ZNRF2: variants seen among roughly 807,000 people sequenced by gnomAD.
The protein encoded by ZNRF2 is E3 ubiquitin-protein ligase ZNRF2.
ZNRF2 carries 16 observed loss-of-function variants against 20.4 expected under a neutral mutation model. The ratio of observed to expected loss-of-function variants is 0.79; its 90% CI spans 0.53 to 1.19. The LOEUF (loss-of-function observed/expected upper bound fraction) is 1.19. Among genes scored for constraint, ZNRF2 ranks in the 50% most tolerant of loss-of-function variants. The pLI, the probability that ZNRF2 is intolerant of heterozygous loss-of-function variation, is 0.00. For synonymous variants in ZNRF2, 178 were observed against 144.9 expected, an observed-to-expected ratio of 1.23 and a Z score of -1.64; for missense variants, 363 against 332.4, an observed-to-expected ratio of 1.09 and a Z score of -0.72.
At chr7:30,334,945 A>G (rs1206949933) in intron 2 of ZNRF2, among the ~76,000 whole-genome samples, 3 of 152,200 alleles carry the variant, frequency 2.0e-5, no homozygotes, top group African/African-American at 7.2e-5. Context: ...AGAAATAGAA[A>G]TGCTATAAAA....
At chr7:30,310,512 G>C (rs1799275701) in intron 1 of ZNRF2, among the ~76,000 whole-genome samples, 1 of 152,132 alleles carries the variant, frequency 6.6e-6, no homozygotes, top group South Asian at 2.1e-4. Flanking sequence ...ATACATAAAT[G>C]AATGTGTGTG....
intron 2 of ZNRF2, among the ~76,000 whole-genome samples, chr7:30,338,033 G>A (rs1415449535): frequency 6.6e-6 from 1 of 152,060 alleles, no homozygotes; most frequent in Non-Finnish European, 1.5e-5. Flanking sequence ...ATGTGCTAGC[G>A]GTTATTCCAG....
chr7:30,285,704 C>T lies in ZNRF2; in HGVS notation c.347C>T (p.Ser116Leu). The change falls in exon 1 of 5, where the codon TCG (serine) becomes TTG (leucine). Residue 116 changes from serine (S) to leucine (L), a missense_variant. By Grantham distance (145) the Ser-to-Leu change is moderately radical. Transcript: ENST00000323037. ...SSSGPYGSQD[S>L]VHSSPEDGGG... ...AGCGGCCCGTACGGCTCGCAGGACT[C>T]GGTGCACAGCAGCCCTGAGGACGGC... 2.0e-6 allele frequency: 3 copies of T among 1,471,132 alleles called. No homozygotes were observed. The highest frequency in any genetic ancestry group is 2.6e-5 in the Admixed American group (1 of 38,034). The allele number at this position is 1,471,132 out of a possible 1,614,324, so 91.1% of individuals were successfully genotyped here. A position where few individuals can be genotyped will look rare whatever the true frequency, so the allele number is the denominator to read the frequency against.
At chr7:30,330,469 G>C (rs1391640124) in intron 2 of ZNRF2, among the ~76,000 whole-genome samples, 1 of 152,056 alleles carries the variant, frequency 6.6e-6, no homozygotes, top group East Asian at 1.9e-4. Flanking sequence ...ATTTTGTCAG[G>C]CTCACACAAA....
At chr7:30,362,511 A>C (rs919338994) in intron 4 of ZNRF2, 55 bp downstream of exon 4, 69 of 1,101,194 alleles carry the variant, frequency 6.3e-5, no homozygotes, top group Non-Finnish European at 8.5e-5. Context: ...TACATTCTAA[A>C]CTATAATTTT....
intron 2 of ZNRF2, among the ~76,000 whole-genome samples, chr7:30,343,484 T>TA (rs1390625858): frequency 2.6e-5 from 4 of 152,206 alleles, no homozygotes; most frequent in African/African-American, 7.2e-5. Context: ...TGTTTTTCTC[T>TA]ATATTGCATA....
chr7:30,354,328 C>T (rs1243796575), intron 2 of ZNRF2, among the ~76,000 whole-genome samples: 3 of 152,136 alleles, frequency 2.0e-5, no homozygotes, highest in Non-Finnish European at 4.4e-5. Flanking sequence ...GTATTCAGTC[C>T]ATTCAGCTGA....
chr7:30,293,665 A>T (rs1798953797), intron 1 of ZNRF2, among the ~76,000 whole-genome samples: 1 of 152,240 alleles, frequency 6.6e-6, no homozygotes. Context: ...AGCAAGGTAT[A>T]ATCTTTGGGA....
intron 1 of ZNRF2, among the ~76,000 whole-genome samples, chr7:30,310,107 G>A (rs1799270080): frequency 6.6e-6 from 1 of 150,568 alleles, no homozygotes; most frequent in Non-Finnish European, 1.5e-5. Context: ...TGGTGTAGAT[G>A]TCTAAAGAAT....
intron 1 of ZNRF2, among the ~76,000 whole-genome samples, chr7:30,286,365 A>G (rs1798789659): frequency 6.6e-6 from 1 of 152,228 alleles, no homozygotes; most frequent in Non-Finnish European, 1.5e-5. Flanking sequence ...TAATTGGATG[A>G]ATGCGTTAAT....
intron 1 of ZNRF2, 150 bp from the exon 2 acceptor site, chr7:30,323,492 A>G (rs543719571): frequency 3.8e-5 from 18 of 468,012 alleles, no homozygotes; most frequent in African/African-American, 1.2e-4. Flanking sequence ...TATAATCACA[A>G]AATTTTCCTG....
chr7:30,295,184 A>G (rs772238138), intron 1 of ZNRF2, among the ~76,000 whole-genome samples: 10 of 151,692 alleles, frequency 6.6e-5, no homozygotes, highest in East Asian at 1.9e-4. Context: ...TTCCAACTAC[A>G]TGCGATCTTT....
chr7:30,289,062 T>C (rs1257148764), intron 1 of ZNRF2: 2 of 152,162 alleles, frequency 1.3e-5, no homozygotes, highest in Admixed American at 1.3e-4. Flanking sequence ...CGTGTGGACT[T>C]CTATAATGTA....
intron 1 of ZNRF2, among the ~76,000 whole-genome samples, chr7:30,305,035 T>C (rs897113719): frequency 6.6e-6 from 1 of 152,212 alleles, no homozygotes; most frequent in Non-Finnish European, 1.5e-5. Context: ...TTTACTGTTA[T>C]CTGTGTTCTT....
chr7:30,362,720 G>A (rs1445562014), intron 4 of ZNRF2, among the ~76,000 whole-genome samples: 3 of 152,090 alleles, frequency 2.0e-5, no homozygotes, highest in Non-Finnish European at 2.9e-5. Context: ...TTCAAGACCA[G>A]CCTGGCCAAC....
intron 1 of ZNRF2, chr7:30,289,053 G>A (rs1798848740): frequency 6.6e-6 from 1 of 152,152 alleles, no homozygotes. Flanking sequence ...CAGAGAAATC[G>A]TGTGGACTTC....
intron 3 of ZNRF2, among the ~76,000 whole-genome samples, chr7:30,357,938 A>G (rs949096563): frequency 5.3e-5 from 8 of 152,166 alleles, no homozygotes; most frequent in African/African-American, 1.9e-4. Context: ...TAACAGTCCA[A>G]AAACATATCA....
At chr7:30,327,814 A>G (rs147599949) in intron 2 of ZNRF2, among the ~76,000 whole-genome samples, 2,029 of 152,078 alleles carry the variant, frequency 0.013, 19 homozygotes, top group South Asian at 0.035. Context: ...TGATCCTCCT[A>G]CCTCAGCCTC....
chr7:30,286,380 A>G (rs993905997), intron 1 of ZNRF2, among the ~76,000 whole-genome samples: 7 of 152,218 alleles, frequency 4.6e-5, no homozygotes, highest in African/African-American at 1.7e-4. Context: ...GTTAATGAAA[A>G]GTTTGTTTTT....
Sources: allele counts gnomAD v4.1 joint callset (sites outside exome capture counted in the v4.1 genomes callset), GRCh38; gene constraint gnomAD v4.1.1; transcripts MANE v1.5; gene names NCBI Gene and HGNC (gene_info 2026-07-23, HGNC 2026-07-21).